The following PTPRN2 variants were observed in gnomAD, a reference collection of about 807,000 sequenced individuals.
PTPRN2 encodes the protein protein tyrosine phosphatase receptor type N2.
In PTPRN2, 74 loss-of-function variants were observed where a neutral mutation model predicts 118.8. That is an observed-to-expected ratio of 0.62 (90% CI 0.52 to 0.76). The LOEUF (loss-of-function observed/expected upper bound fraction) is 0.76. Ranked by LOEUF, PTPRN2 falls within the 30% of genes least tolerant of loss-of-function variation. The pLI is 0.00. For missense variants in PTPRN2, 1,481 were observed against 1,394.4 expected (o/e 1.06, Z -0.99); for synonymous variants, 641 against 608.0 (o/e 1.05, Z -0.80).
chr7:158,197,623 A>G (rs1826311422), intron 4 of PTPRN2, among the ~76,000 whole-genome samples: 1 of 152,224 alleles, frequency 6.6e-6, no homozygotes, highest in Non-Finnish European at 1.5e-5. Flanking sequence ...TTTATAAAGG[A>G]GAGGTTTAAT....
rs553090988 is a variant in PTPRN2, at chr7:157,999,498, G to A, written c.1723+81800C>T. Among the ~76,000 whole-genome samples the A allele has an allele frequency of 6.9e-4, 105 of 152,274 alleles. 1 individual carries two copies. Among genetic ancestry groups the A allele is most frequent in the African/African-American group, 1.9e-3 (77 of 41,556 alleles). On this transcript the variant is annotated intron_variant, in intron 11 of 22. Transcript: ENST00000389418. ...TCTCACTCTTGCCCACTTACCCTGC[G>A]TTTTCCACCAACACAGGCAGGGGAA...
At chr7:157,960,342 A>T (rs67952971) in intron 11 of PTPRN2, among the ~76,000 whole-genome samples, 1 of 152,268 alleles carries the variant, frequency 6.6e-6, no homozygotes, top group Admixed American at 6.5e-5. Flanking sequence ...TACTTTATGT[A>T]TATTTTACCA....
intron 1 of PTPRN2, among the ~76,000 whole-genome samples, chr7:158,492,054 C>T (rs1429221737): frequency 6.6e-6 from 1 of 152,214 alleles, no homozygotes; most frequent in East Asian, 1.9e-4. Flanking sequence ...CACGCAGTGA[C>T]CTCCAAGGCT....
chr7:157,769,953 A>G (rs1216735121), intron 12 of PTPRN2, among the ~76,000 whole-genome samples: 1 of 152,192 alleles, frequency 6.6e-6, no homozygotes, highest in Non-Finnish European at 1.5e-5. Flanking sequence ...TGCAGGCATC[A>G]TGGCTTACTG....
rs193097548 is a variant in PTPRN2 at position 158,405,091 on chromosome 7, C to T, written c.163+84644G>A. 1.8e-3 allele frequency among the ~76,000 whole-genome samples: 270 copies of T among 151,746 alleles called. 6 individuals are homozygous for T. The highest frequency in any genetic ancestry group is 5.0e-3 in the African/African-American group (208 of 41,366). On this transcript the variant is annotated intron_variant, in intron 2 of 22. Transcript: ENST00000389418. ...GCCTCCAGCTCCTCGGCCTCAGCTC[C>T]CCGGCCCCAGCTCCCTGGCCCCAGC...
intron 2 of PTPRN2, among the ~76,000 whole-genome samples, chr7:158,331,661 A>ACAC: frequency 3.4e-5 from 5 of 148,410 alleles, no homozygotes; most frequent in Admixed American, 2.0e-4. Flanking sequence ...GACGTCACTC[A>ACAC]CGCCGACACT....
At chr7:158,333,861 C>T (rs1207954794) in intron 2 of PTPRN2, among the ~76,000 whole-genome samples, 9 of 142,786 alleles carry the variant, frequency 6.3e-5, no homozygotes, top group East Asian at 4.5e-4. Flanking sequence ...CACCCGCAGA[C>T]GTCACTCACA....
intron 2 of PTPRN2, among the ~76,000 whole-genome samples, chr7:158,446,846 C>T (rs918834784): frequency 6.6e-6 from 1 of 152,204 alleles, no homozygotes; most frequent in Non-Finnish European, 1.5e-5. Flanking sequence ...CCATGACATC[C>T]GGAACCCACC....
intron 5 of PTPRN2, among the ~76,000 whole-genome samples, chr7:158,181,416 A>G (rs1172722421): frequency 3.9e-5 from 6 of 152,016 alleles, no homozygotes; most frequent in Non-Finnish European, 5.9e-5. Context: ...TCATTATTTT[A>G]TCCCTGATTT....
chr7:157,642,833 A>AAAAAC (rs1554512068), intron 14 of PTPRN2, among the ~76,000 whole-genome samples: 38 of 146,640 alleles, frequency 2.6e-4, no homozygotes, highest in African/African-American at 8.8e-4. Flanking sequence ...AAAAAAAAAA[A>AAAAAC]AAAAAAAAAA....
At chr7:158,524,285 AGTC>A (rs1246736686) in intron 1 of PTPRN2, among the ~76,000 whole-genome samples, 1 of 65,224 alleles carries the variant, frequency 1.5e-5, no homozygotes, top group Non-Finnish European at 3.1e-5. Context: ...CCTGGTGTGG[AGTC>A]GTCTGCCCTG....
chr7:157,962,411 A>G (rs1371950441), intron 11 of PTPRN2, among the ~76,000 whole-genome samples: 1 of 152,136 alleles, frequency 6.6e-6, no homozygotes, highest in Non-Finnish European at 1.5e-5. Flanking sequence ...TTTAATGCAT[A>G]TGTTCAGATA....
At position 157,676,587 on chromosome 7, in the gene PTPRN2, C is replaced by T. The variant is rs1413516127; in HGVS notation, c.2001+6138G>A. Among the ~76,000 whole-genome samples the T allele has an allele frequency of 6.6e-6, 1 of 152,232 alleles. No individual in the cohort carries two copies. The highest frequency in any genetic ancestry group is 2.4e-5 in the African/African-American group (1 of 41,458). Reference sequence around the variant, plus strand: ...CACGGGACAGAAAAGCCCGGGCCAGCCCCTCAACACCCTGCAGTGGGGACA... The same window carrying T: ...CACGGGACAGAAAAGCCCGGGCCAGTCCCTCAACACCCTGCAGTGGGGACA... On this transcript the variant is annotated intron_variant, in intron 13 of 22. Coordinates refer to ENST00000389418, the MANE Select transcript of PTPRN2 (RefSeq NM_002847.5). The surrounding 1 kb of genome is among the most constrained non-coding windows in gnomAD (Gnocchi z 5.6).
Position 158,230,400 on chromosome 7 carries a change from G to A in PTPRN2, c.278-25127C>T, listed in dbSNP as rs139174716. 3.3e-3 allele frequency among the ~76,000 whole-genome samples: 508 copies of A among 152,266 alleles called. 1 individual carries two copies. The highest frequency in any genetic ancestry group is 5.6e-3 in the Non-Finnish European group (378 of 68,020). On this transcript the variant is annotated intron_variant, in intron 3 of 22. Coordinates refer to ENST00000389418, the MANE Select transcript of PTPRN2 (RefSeq NM_002847.5). Reference sequence around the variant, plus strand: ...TGTGGGGTGCAATCCACTCATAACCGTAGAATGAAGCCCAAAAGACAAATC... The same window carrying A: ...TGTGGGGTGCAATCCACTCATAACCATAGAATGAAGCCCAAAAGACAAATC...
intron 11 of PTPRN2, among the ~76,000 whole-genome samples, chr7:157,968,474 C>T (rs1315557764): frequency 1.3e-5 from 2 of 152,112 alleles, no homozygotes; most frequent in African/African-American, 4.8e-5. Flanking sequence ...TTTCGGTTTT[C>T]AAGAGTTTCT....
chr7:157,950,448 A>G (rs1800736764), intron 11 of PTPRN2, among the ~76,000 whole-genome samples: 1 of 152,146 alleles, frequency 6.6e-6, no homozygotes, highest in South Asian at 2.1e-4. Context: ...TAAAATGTTC[A>G]GATATGTAAT....
chr7:157,664,011 A>G (rs1442048881), intron 13 of PTPRN2, among the ~76,000 whole-genome samples: 2 of 152,268 alleles, frequency 1.3e-5, no homozygotes, highest in Non-Finnish European at 1.5e-5. Flanking sequence ...TCCACCCTGC[A>G]TGAGGTGACT....
chr7:157,954,942 A>T (rs1218173970), intron 11 of PTPRN2, among the ~76,000 whole-genome samples: 1 of 152,238 alleles, frequency 6.6e-6, no homozygotes, highest in East Asian at 1.9e-4. Flanking sequence ...CTTAAAATTT[A>T]AAAATTTAGA....
intron 11 of PTPRN2, among the ~76,000 whole-genome samples, chr7:158,043,419 C>G (rs1808613402): frequency 6.6e-6 from 1 of 152,244 alleles, no homozygotes; most frequent in Non-Finnish European, 1.5e-5. Flanking sequence ...GAGGGACTCT[C>G]ATGACCAGGG....
Sources: gnomAD v4.1 joint callset for allele counts (sites outside exome capture counted in the v4.1 genomes callset) on GRCh38, gnomAD v4.1.1 for gene constraint, Gnocchi (gnomAD v3.1) non-coding constraint, MANE v1.5 for transcripts, NCBI Gene and HGNC (gene_info 2026-07-23, HGNC 2026-07-21) for gene names.